The following GFRA1 variants were observed in gnomAD, a reference collection of about 807,000 sequenced individuals.
The protein encoded by GFRA1 is GDNF family receptor alpha-1.
A neutral mutation model predicts 51.6 loss-of-function variants in GFRA1; 16 were observed. That is an observed-to-expected ratio of 0.31 (90% CI 0.21 to 0.47). The LOEUF is 0.47. Among genes scored for constraint, GFRA1 ranks in the 20% least tolerant of loss-of-function variants. The pLI is 1.00. For missense variants in GFRA1, 530 were observed against 594.3 expected, an observed-to-expected ratio of 0.89 and a Z score of 1.13; for synonymous variants, 270 against 241.3, an observed-to-expected ratio of 1.12 and a Z score of -1.10.
intron 4 of GFRA1, among the ~76,000 whole-genome samples, chr10:116,255,156 T>A (rs569407017): frequency 6.6e-6 from 1 of 152,264 alleles, no homozygotes; most frequent in East Asian, 1.9e-4. Flanking sequence ...ATATTTTGCT[T>A]ATGAGGAACA....
chr10:116,270,356 G>T (rs1197032401), intron 3 of GFRA1, among the ~76,000 whole-genome samples: 1 of 152,168 alleles, frequency 6.6e-6, no homozygotes, highest in African/African-American at 2.4e-5. Context: ...AAGATACACT[G>T]GATTCTCCTG....
intron 5 of GFRA1, among the ~76,000 whole-genome samples, chr10:116,134,751 T>G (rs576721789): frequency 7.0e-4 from 106 of 152,216 alleles, no homozygotes; most frequent in Non-Finnish European, 1.4e-3. Context: ...AAATAATTCT[T>G]TGGTCTGGTA....
intron 10 of GFRA1, 151 bp downstream of exon 10, chr10:116,065,422 T>C: frequency 1.5e-6 from 1 of 683,286 alleles, no homozygotes; most frequent in South Asian, 1.6e-5. Flanking sequence ...TTCACCTTGC[T>C]CAAAGGGCAG....
intron 4 of GFRA1, among the ~76,000 whole-genome samples, chr10:116,256,001 T>C (rs1400461894): frequency 6.6e-6 from 1 of 151,576 alleles, no homozygotes; most frequent in Non-Finnish European, 1.5e-5. Flanking sequence ...AGAAAGGGAG[T>C]GAGAATGCAT....
chr10:116,177,112 C>T (rs574203885), intron 5 of GFRA1, among the ~76,000 whole-genome samples: 48 of 151,962 alleles, frequency 3.2e-4, no homozygotes, highest in African/African-American at 1.2e-3. Context: ...GAAAGTGAGG[C>T]TGAAAAGAAA....
chr10:116,079,564 A>C (rs1460799683), intron 9 of GFRA1, among the ~76,000 whole-genome samples: 1 of 152,002 alleles, frequency 6.6e-6, no homozygotes, highest in African/African-American at 2.4e-5. Context: ...TGCCCCCTGG[A>C]GACATTTGGC....
At chr10:116,162,927 C>G (rs935001266) in intron 5 of GFRA1, among the ~76,000 whole-genome samples, 9 of 152,128 alleles carry the variant, frequency 5.9e-5, no homozygotes, top group African/African-American at 2.2e-4. Context: ...CCTGTCTGAA[C>G]ATATACCTGC....
At chr10:116,168,645 C>T (rs983245819) in intron 5 of GFRA1, among the ~76,000 whole-genome samples, 1 of 152,178 alleles carries the variant, frequency 6.6e-6, no homozygotes, top group Non-Finnish European at 1.5e-5. Flanking sequence ...AGAGGAAGGG[C>T]CAACCTCGGG....
Position 116,063,029 on chromosome 10 carries a change from A to G in GFRA1, c.*1369T>C, listed in dbSNP as rs919988040. The G allele has an allele frequency of 6.6e-6, 1 of 152,246 alleles. No individual in the cohort carries two copies. Among genetic ancestry groups the G allele is most frequent in the Non-Finnish European group, 1.5e-5 (1 of 68,074 alleles). The allele number at this position is 152,246 out of a possible 1,614,324, so 9.4% of individuals were successfully genotyped here. A position where few individuals can be genotyped will look rare whatever the true frequency, so the allele number is the denominator to read the frequency against. ...AGATCCTTAATGACCTTCAGACCAA[A>G]CTGCTCCAAACAGTGGCCAAGACGT... On this transcript the variant is annotated 3_prime_UTR_variant, in exon 11 of 11. Transcript: ENST00000355422.
At chr10:116,126,382 C>T (rs1957877907) in intron 5 of GFRA1, among the ~76,000 whole-genome samples, 1 of 152,256 alleles carries the variant, frequency 6.6e-6, no homozygotes, top group African/African-American at 2.4e-5. Context: ...CTGCTCTGTG[C>T]TGTCCACACC....
intron 6 of GFRA1, among the ~76,000 whole-genome samples, chr10:116,113,146 T>C (rs1024458335): frequency 5.9e-5 from 9 of 151,768 alleles, no homozygotes; most frequent in African/African-American, 2.2e-4. Context: ...AGATGCTAAA[T>C]TTGTAAAAAT....
chr10:116,175,846 G>A (rs1236991101), intron 5 of GFRA1, among the ~76,000 whole-genome samples: 1 of 152,040 alleles, frequency 6.6e-6, no homozygotes, highest in Non-Finnish European at 1.5e-5. Context: ...TTTTCCAAAG[G>A]GACCTACCCA....
At chr10:116,149,183 TA>T (rs1958959802) in intron 5 of GFRA1, among the ~76,000 whole-genome samples, 1 of 152,208 alleles carries the variant, frequency 6.6e-6, no homozygotes, top group Non-Finnish European at 1.5e-5. Flanking sequence ...TGCTCGAGAA[TA>T]CTTAGGGTAT....
chr10:116,064,256 G>GAA lies in GFRA1; in HGVS notation c.*140_*141dup, dbSNP rs144589291. On this transcript the variant is annotated 3_prime_UTR_variant, in exon 11 of 11. Coordinates refer to ENST00000355422, the MANE Select transcript of GFRA1 (RefSeq NM_005264.8). ...GGATCACAAGAAGCTTTCTTAAAAG[G>GAA]AAAAAAAAAAAATGTTCCAGTTGAA... is the stretch of plus-strand genomic sequence containing the variant. The GAA allele has an allele frequency of 8.9e-5, 54 of 609,518 alleles. No homozygotes were observed. Among genetic ancestry groups the GAA allele is most frequent in the African/African-American group, 1.4e-4 (7 of 50,922 alleles). 37.8% of individuals were successfully genotyped at this position (609,518 alleles called of 1,614,324 possible). A position where few individuals can be genotyped will look rare whatever the true frequency, so the allele number is the denominator to read the frequency against.
chr10:116,169,832 C>A (rs929367603), intron 5 of GFRA1, among the ~76,000 whole-genome samples: 1 of 152,160 alleles, frequency 6.6e-6, no homozygotes. Flanking sequence ...GTCACAGTGA[C>A]CCTCCACTGA....
chr10:116,212,535 C>CAA (rs1965275644), intron 4 of GFRA1, among the ~76,000 whole-genome samples: 1 of 143,028 alleles, frequency 7.0e-6, no homozygotes. Context: ...CACACACACA[C>CAA]ACACACACAC....
At chr10:116,223,175 AG>A (rs1386295803) in intron 4 of GFRA1, among the ~76,000 whole-genome samples, 1 of 152,174 alleles carries the variant, frequency 6.6e-6, no homozygotes, top group East Asian at 1.9e-4. Flanking sequence ...TCTACCCACT[AG>A]CCCCCCAGCA....
intron 5 of GFRA1, among the ~76,000 whole-genome samples, chr10:116,149,819 AC>A: frequency 6.6e-6 from 1 of 152,192 alleles, no homozygotes; most frequent in Non-Finnish European, 1.5e-5. Flanking sequence ...CTATTATCAA[AC>A]CATTATGATT....
chr10:116,149,378 C>A (rs1265560258), intron 5 of GFRA1, among the ~76,000 whole-genome samples: 1 of 152,096 alleles, frequency 6.6e-6, no homozygotes, highest in Non-Finnish European at 1.5e-5. Flanking sequence ...AGCTTTAACA[C>A]AAAAGCTCAC....
Sources: gnomAD v4.1 joint callset for allele counts (sites outside exome capture counted in the v4.1 genomes callset) on GRCh38, gnomAD v4.1.1 for gene constraint, MANE v1.5 for transcripts, NCBI Gene and HGNC (gene_info 2026-07-23, HGNC 2026-07-21) for gene names.